The following TOP6BL variants were observed in gnomAD, a reference collection of about 807,000 sequenced individuals.
TOP6BL encodes type 2 DNA topoisomerase 6 subunit B-like.
chr11:66,764,676 A>AT, the TOP6BL span, among the ~76,000 whole-genome samples: 1 of 150,598 alleles, frequency 6.6e-6, no homozygotes, highest in South Asian at 2.1e-4. Context: ...AAAAAAAAAA[A>AT]AAATAAAGAA....
chr11:66,750,771 C>T, the TOP6BL span, among the ~76,000 whole-genome samples: 5 of 151,804 alleles, frequency 3.3e-5, no homozygotes, highest in Admixed American at 3.3e-4. Flanking sequence ...ACAATCATAG[C>T]TCACTGTAAC....
the TOP6BL span, among the ~76,000 whole-genome samples, chr11:66,813,072 T>A: frequency 6.6e-6 from 1 of 152,170 alleles, no homozygotes; most frequent in African/African-American, 2.4e-5. Context: ...CCGAGGAAGT[T>A]TCCTTCTCAA....
the TOP6BL span, among the ~76,000 whole-genome samples, chr11:66,786,244 G>T: frequency 2.0e-5 from 3 of 152,038 alleles, no homozygotes; most frequent in Admixed American, 2.0e-4. Flanking sequence ...GTTGCAGTGA[G>T]CCAAGATCAT....
chr11:66,788,825 A>T, the TOP6BL span, among the ~76,000 whole-genome samples: 1 of 152,192 alleles, frequency 6.6e-6, no homozygotes, highest in Non-Finnish European at 1.5e-5. Flanking sequence ...GTCATAGCAC[A>T]CTACAGACTT....
the TOP6BL span, chr11:66,822,693 T>C: frequency 2.0e-6 from 3 of 1,498,164 alleles, no homozygotes; most frequent in Non-Finnish European, 2.7e-6. Flanking sequence ...GAGATTGGGA[T>C]TGGGGATGCT....
chr11:66,792,551 T>C, the TOP6BL span, among the ~76,000 whole-genome samples: 2 of 152,212 alleles, frequency 1.3e-5, no homozygotes, highest in Admixed American at 1.3e-4. Flanking sequence ...CAGCATTGGA[T>C]AGTAGAATGT....
At chr11:66,834,378 A>G in the TOP6BL span, among the ~76,000 whole-genome samples, 3 of 152,194 alleles carry the variant, frequency 2.0e-5, no homozygotes, top group South Asian at 2.1e-4. Flanking sequence ...TCTCCACTCA[A>G]CATCCTCTGG....
the TOP6BL span, among the ~76,000 whole-genome samples, chr11:66,787,521 C>T: frequency 3.6e-5 from 5 of 139,918 alleles, no homozygotes; most frequent in Non-Finnish European, 4.5e-5. Context: ...GCCTGGCCAA[C>T]GTGATGAAAC....
the TOP6BL span, among the ~76,000 whole-genome samples, chr11:66,778,531 A>C: frequency 6.6e-6 from 1 of 152,140 alleles, no homozygotes; most frequent in Non-Finnish European, 1.5e-5. Context: ...TTGAAGAGTA[A>C]AGTCAGGGGA....
At chr11:66,753,051 C>T in the TOP6BL span, among the ~76,000 whole-genome samples, 4 of 152,060 alleles carry the variant, frequency 2.6e-5, no homozygotes, top group South Asian at 2.1e-4. Flanking sequence ...ATTGCTTGAA[C>T]CTGGGAGGCG....
chr11:66,808,988 C>G, the TOP6BL span, among the ~76,000 whole-genome samples: 113 of 152,282 alleles, frequency 7.4e-4, 1 homozygote, highest in African/African-American at 2.6e-3. Context: ...CTCCGTCGCC[C>G]AGGCTGGAGT....
At chr11:66,807,577 A>G in the TOP6BL span, among the ~76,000 whole-genome samples, 3 of 152,182 alleles carry the variant, frequency 2.0e-5, no homozygotes, top group African/African-American at 7.2e-5. Context: ...ATCTCAAAAA[A>G]CAAACAAACA....
the TOP6BL span, among the ~76,000 whole-genome samples, chr11:66,816,354 G>T: frequency 4.6e-5 from 7 of 152,292 alleles, no homozygotes; most frequent in African/African-American, 1.7e-4. Flanking sequence ...ATATCCTATA[G>T]AAAAGATTCA....
At chr11:66,801,083 G>A in the TOP6BL span, 8 of 1,613,762 alleles carry the variant, frequency 5.0e-6, no homozygotes, top group South Asian at 4.4e-5. Context: ...TCTTTTGGTC[G>A]ACTCCCAGCA....
chr11:66,744,870 G>T, the TOP6BL span: 1 of 1,305,820 alleles, frequency 7.7e-7, no homozygotes, highest in Non-Finnish European at 9.8e-7. Flanking sequence ...ACTGGGCGTT[G>T]CCGCTGTTCC....
chr11:66,763,661 A>G, the TOP6BL span, among the ~76,000 whole-genome samples: 3 of 152,012 alleles, frequency 2.0e-5, no homozygotes, highest in Non-Finnish European at 4.4e-5. Flanking sequence ...CTGGGGTGCA[A>G]TGGTGTGATC....
chr11:66,817,495 A>G, the TOP6BL span, among the ~76,000 whole-genome samples: 6 of 152,008 alleles, frequency 3.9e-5, no homozygotes, highest in Non-Finnish European at 7.4e-5. Context: ...CTGGAGTGCA[A>G]TAGCGTGATC....
the TOP6BL span, among the ~76,000 whole-genome samples, chr11:66,786,381 A>G: frequency 6.6e-6 from 1 of 151,994 alleles, no homozygotes; most frequent in Non-Finnish European, 1.5e-5. Context: ...GTATTATTTT[A>G]TATGTTTGAA....
the TOP6BL span, among the ~76,000 whole-genome samples, chr11:66,817,959 C>T: frequency 1.3e-5 from 2 of 152,220 alleles, no homozygotes; most frequent in African/African-American, 4.8e-5. Context: ...TTTCTCAATG[C>T]CCTCCTAATC....
Sources: allele counts gnomAD v4.1 joint callset (sites outside exome capture counted in the v4.1 genomes callset), GRCh38; gene constraint gnomAD v4.1.1; transcripts MANE v1.5; gene names NCBI Gene and HGNC (gene_info 2026-07-23, HGNC 2026-07-21).